Variants in ANK3 observed in about 807,000 individuals in gnomAD.
The protein encoded by ANK3 is ankyrin 3, also known as ankyrin-3.
Under a neutral mutation model 370.9 loss-of-function variants are expected in ANK3, and 57 were observed. That is an observed-to-expected ratio of 0.15 (90% CI 0.12 to 0.19). ANK3 has a LOEUF of 0.19. ANK3 is among the 10% of genes least tolerant of loss of function. The pLI is 1.00. For missense variants in ANK3, 4,439 were observed against 5,302.1 expected (o/e 0.84, Z 5.06); for synonymous variants, 1,929 against 1,946.3 (o/e 0.99, Z 0.23).
intron 2 of ANK3, among the ~76,000 whole-genome samples, chr10:60,601,321 A>C (rs1036018008): frequency 1.1e-4 from 16 of 152,032 alleles, no homozygotes; most frequent in Non-Finnish European, 1.2e-4. Context: ...GAGAGAAAAA[A>C]AAAAAGTTAT....
At chr10:60,459,358 G>C (rs1220529842) in intron 2 of ANK3, among the ~76,000 whole-genome samples, 1 of 152,122 alleles carries the variant, frequency 6.6e-6, no homozygotes, top group African/African-American at 2.4e-5. Flanking sequence ...TGATCTGGCA[G>C]GTCGGGGACA....
intron 42 of ANK3, chr10:60,044,554 C>G (rs987724655): frequency 6.5e-6 from 1 of 153,972 alleles, no homozygotes; most frequent in Non-Finnish European, 1.4e-5. Context: ...TATGTATAAG[C>G]GTGATGGTTA....
At chr10:60,569,100 T>A (rs921436920) in intron 2 of ANK3, among the ~76,000 whole-genome samples, 2 of 151,982 alleles carry the variant, frequency 1.3e-5, no homozygotes, top group African/African-American at 4.8e-5. Flanking sequence ...AGAAAAAAAA[T>A]CTTTAAGTGT....
intron 2 of ANK3, among the ~76,000 whole-genome samples, chr10:60,571,632 T>A (rs143071705): frequency 6.6e-6 from 1 of 152,342 alleles, no homozygotes; most frequent in African/African-American, 2.4e-5. Flanking sequence ...AGATATTTGT[T>A]TTTCTTTGTT....
intron 2 of ANK3, among the ~76,000 whole-genome samples, chr10:60,430,347 C>T (rs1426210633): frequency 5.3e-5 from 8 of 151,980 alleles, no homozygotes; most frequent in African/African-American, 1.9e-4. Flanking sequence ...AAAGACCAAA[C>T]ATTGTCATTC....
At chr10:60,668,614 G>A (rs1279532379) in intron 1 of ANK3, among the ~76,000 whole-genome samples, 3 of 152,144 alleles carry the variant, frequency 2.0e-5, no homozygotes, top group African/African-American at 7.2e-5. Context: ...CTCTTCCACT[G>A]GGAGATGGGA....
At chr10:60,313,740 A>G (rs1196904218) in intron 1 of ANK3, among the ~76,000 whole-genome samples, 1 of 152,228 alleles carries the variant, frequency 6.6e-6, no homozygotes. Context: ...AAAAAGTCCC[A>G]AATGAAACAC....
At chr10:60,591,303 TTTTATTTA>T (rs79060296) in intron 2 of ANK3, among the ~76,000 whole-genome samples, 61,164 of 137,366 alleles carry the variant, frequency 0.45, 13,703 homozygotes, top group Middle Eastern at 0.51. Context: ...TTTATTTTTA[TTTTATTTA>T]TTTATTTATT....
intron 1 of ANK3, among the ~76,000 whole-genome samples, chr10:60,716,675 G>A (rs12571761): frequency 0.28 from 42,773 of 151,854 alleles, 6,819 homozygotes; most frequent in South Asian, 0.48. Context: ...CACCATGCCC[G>A]GCTAACTTTT....
At chr10:60,059,513 C>T in intron 40 of ANK3, 83 bp from the exon 41 acceptor site, 1 of 1,304,394 alleles carries the variant, frequency 7.7e-7, no homozygotes, top group Non-Finnish European at 1.1e-6. Context: ...TCTCCTCAGA[C>T]TCTACTCCTT....
At chr10:60,043,073 C>G (rs117412481) in intron 42 of ANK3, 22,596 of 1,112,656 alleles carry the variant, frequency 0.02, 258 homozygotes, top group Non-Finnish European at 0.023. Context: ...CACCACAGCT[C>G]ACAAGGCAGC....
chr10:60,215,187 T>C (rs1030933137), intron 8 of ANK3, among the ~76,000 whole-genome samples: 1 of 152,218 alleles, frequency 6.6e-6, no homozygotes, highest in African/African-American at 2.4e-5. Context: ...TTCATATTCT[T>C]TGCCTGCTTT....
intron 2 of ANK3, among the ~76,000 whole-genome samples, chr10:60,588,762 T>C (rs2077869728): frequency 6.6e-6 from 1 of 151,106 alleles, no homozygotes; most frequent in Admixed American, 6.6e-5. Context: ...AAAAAAAACA[T>C]AGTTGGGCAT....
At chr10:60,385,265 G>C (rs1001820646) in intron 1 of ANK3, among the ~76,000 whole-genome samples, 1 of 151,828 alleles carries the variant, frequency 6.6e-6, no homozygotes, top group African/African-American at 2.4e-5. Flanking sequence ...TCCTACTTCT[G>C]TTACTTTGGG....
chr10:60,321,372 A>G lies in ANK3; in HGVS notation c.115-41733T>C, dbSNP rs185752715. ...ACCCTATCTCAAAAAAAACAAAAGGAAAAGAAAGAAAAAAGAAAAGAGAAG... is the reference window on the plus strand; with the variant it reads ...ACCCTATCTCAAAAAAAACAAAAGGGAAAGAAAGAAAAAAGAAAAGAGAAG... On this transcript the variant is annotated intron_variant, in intron 1 of 43. Transcript: ENST00000280772. Among the ~76,000 whole-genome samples the G allele has an allele frequency of 2.7e-4, 31 of 115,236 alleles. No homozygotes were observed. The East Asian group carries it at 6.6e-3, about 24-fold the overall frequency. The allele number at this position is 115,236 out of a possible 152,430, so 75.6% of individuals were successfully genotyped here. A position where few individuals can be genotyped will look rare whatever the true frequency, so the allele number is the denominator to read the frequency against.
intron 1 of ANK3, among the ~76,000 whole-genome samples, chr10:60,616,615 A>T (rs1364124387): frequency 6.6e-6 from 1 of 151,888 alleles, no homozygotes. Context: ...TATGATATAC[A>T]TTTTTGTCTA....
At chr10:60,282,727 G>T (rs2098182950) in intron 1 of ANK3, among the ~76,000 whole-genome samples, 1 of 152,080 alleles carries the variant, frequency 6.6e-6, no homozygotes, top group Non-Finnish European at 1.5e-5. Flanking sequence ...AGAATTTTAG[G>T]AAGTACACGC....
rs372601342 is a variant in ANK3 at position 60,071,649 on chromosome 10, C to T, written c.9232G>A (p.Ala3078Thr). 32 of 1,608,224 alleles carry T rather than the reference C, an allele frequency of 2.0e-5. No individual in the cohort carries two copies. The highest frequency in any genetic ancestry group is 2.5e-5 in the Non-Finnish European group (29 of 1,178,086). ...CCTCCCTCTGTCTGGGCTAGTGGTG[C>T]GAGTTTTTCCAATCCATCAATGGGA... ...HSPIDGLEKL[A>T]PLAQTEGGKE... The change falls in exon 37 of 44, where the codon GCA becomes ACA. Residue 3078 changes from alanine to threonine, a missense_variant. By Grantham distance (58) the Ala-to-Thr change is moderately conservative. Coordinates refer to ENST00000280772, the MANE Select transcript of ANK3 (RefSeq NM_020987.5).
intron 40 of ANK3, chr10:60,062,838 A>C (rs2080861373): frequency 4.1e-6 from 1 of 241,576 alleles, no homozygotes; most frequent in Non-Finnish European, 7.8e-6. Flanking sequence ...CTAGATATTT[A>C]ACTTTTATGA....
Sources: gnomAD v4.1 joint callset for allele counts (sites outside exome capture counted in the v4.1 genomes callset) on GRCh38, gnomAD v4.1.1 for gene constraint, MANE v1.5 for transcripts, NCBI Gene and HGNC (gene_info 2026-07-23, HGNC 2026-07-21) for gene names.